SH3BGRL2: variants seen among roughly 807,000 people sequenced by gnomAD.
The protein encoded by SH3BGRL2 is SH3 domain binding glutamate rich protein like 2.
SH3BGRL2 carries 21 observed loss-of-function variants against 14.8 expected under a neutral mutation model. The ratio of observed to expected loss-of-function variants is 1.42; its 90% confidence interval spans 1.01 to 2.05. The LOEUF is 2.05. Ranked by LOEUF, SH3BGRL2 falls within the 30% of genes most tolerant of loss-of-function variation. The pLI, the probability that SH3BGRL2 is intolerant of heterozygous loss-of-function variation, is 0.00. For missense variants in SH3BGRL2, 147 were observed against 130.8 expected (o/e 1.12, Z -0.61); for synonymous variants, 50 against 47.8 (o/e 1.05, Z -0.19).
the SH3BGRL2 span, among the ~76,000 whole-genome samples, chr6:79,594,754 G>A: frequency 1.3e-5 from 2 of 152,086 alleles, no homozygotes; most frequent in Non-Finnish European, 2.9e-5. Flanking sequence ...TACATTAATC[G>A]TGTCCAAAAC....
the SH3BGRL2 span, among the ~76,000 whole-genome samples, chr6:79,591,542 G>A: frequency 6.6e-6 from 1 of 152,062 alleles, no homozygotes; most frequent in Admixed American, 6.6e-5. Context: ...CTAGTAGCTG[G>A]GACTGCAGGT....
chr6:79,682,481 A>G (rs1238204062), intron 2 of SH3BGRL2, among the ~76,000 whole-genome samples: 2 of 152,212 alleles, frequency 1.3e-5, no homozygotes, highest in Non-Finnish European at 2.9e-5. Flanking sequence ...CTGCAACTGC[A>G]TACACTTAAT....
chr6:79,692,861 A>G (rs1002603831), intron 2 of SH3BGRL2, among the ~76,000 whole-genome samples: 1 of 152,150 alleles, frequency 6.6e-6, no homozygotes, highest in Non-Finnish European at 1.5e-5. Context: ...GTTCCATATG[A>G]ACTTTAAAGT....
At chr6:79,586,903 A>G in the SH3BGRL2 span, among the ~76,000 whole-genome samples, 1 of 152,258 alleles carries the variant, frequency 6.6e-6, no homozygotes, top group African/African-American at 2.4e-5. Flanking sequence ...AATAGTGTCT[A>G]TAACTGCAAG....
At chr6:79,566,811 C>T in the SH3BGRL2 span, among the ~76,000 whole-genome samples, 1,011 of 150,786 alleles carry the variant, frequency 6.7e-3, 11 homozygotes, top group African/African-American at 0.023. Flanking sequence ...GTGGAAGGAT[C>T]GCTTGAGCCC....
At chr6:79,607,821 T>A in the SH3BGRL2 span, among the ~76,000 whole-genome samples, 1 of 152,124 alleles carries the variant, frequency 6.6e-6, no homozygotes, top group Non-Finnish European at 1.5e-5. Context: ...GGCAGGCATC[T>A]GTAATCCCAG....
intron 2 of SH3BGRL2, among the ~76,000 whole-genome samples, chr6:79,678,183 C>T (rs147246658): frequency 3.9e-5 from 6 of 152,260 alleles, no homozygotes; most frequent in African/African-American, 1.4e-4. Flanking sequence ...ATCTTAAGCA[C>T]TTTTAAGTGT....
At chr6:79,596,786 C>T in the SH3BGRL2 span, among the ~76,000 whole-genome samples, 1 of 152,096 alleles carries the variant, frequency 6.6e-6, no homozygotes, top group Non-Finnish European at 1.5e-5. Context: ...ACCTAAAATT[C>T]ATATGGAAAT....
chr6:79,606,474 G>C, the SH3BGRL2 span, among the ~76,000 whole-genome samples: 1 of 152,174 alleles, frequency 6.6e-6, no homozygotes, highest in Non-Finnish European at 1.5e-5. Flanking sequence ...CTGCTGGGTA[G>C]TACAACTGGG....
At chr6:79,642,184 C>T (rs1769046376) in intron 1 of SH3BGRL2, among the ~76,000 whole-genome samples, 1 of 152,178 alleles carries the variant, frequency 6.6e-6, no homozygotes, top group Non-Finnish European at 1.5e-5. Flanking sequence ...TGGACAGTTG[C>T]ATCTGTACTG....
the SH3BGRL2 span, among the ~76,000 whole-genome samples, chr6:79,558,497 C>T: frequency 7.9e-5 from 12 of 152,218 alleles, no homozygotes; most frequent in African/African-American, 2.4e-4. Flanking sequence ...ATTTAAACAA[C>T]AGAATACACT....
the SH3BGRL2 span, among the ~76,000 whole-genome samples, chr6:79,543,218 CA>C: frequency 6.6e-3 from 1,000 of 152,288 alleles, 12 homozygotes; most frequent in African/African-American, 0.023. Context: ...CAAATTATTT[CA>C]ACTTGCAATC....
Position 79,686,992 on chromosome 6 carries a change from T to C in SH3BGRL2, c.232-9493T>C, listed in dbSNP as rs553277028. Among the ~76,000 whole-genome samples, 158 of 152,316 alleles carry C rather than the reference T, an allele frequency of 1.0e-3. 1 individual carries two copies. The highest frequency in any genetic ancestry group is 2.2e-3 in the Admixed American group (33 of 15,296). On this transcript the variant is annotated intron_variant, in intron 2 of 3. Coordinates refer to ENST00000369838, the MANE Select transcript of SH3BGRL2 (RefSeq NM_031469.4). ...ATGTGGGGTCAGGGTGACCACAGAC[T>C]GTGCTGGCCTCTCAGGCCCCTGAAG... is the stretch of plus-strand genomic sequence containing the variant.
At chr6:79,591,553 G>T in the SH3BGRL2 span, among the ~76,000 whole-genome samples, 679 of 152,222 alleles carry the variant, frequency 4.5e-3, 9 homozygotes, top group African/African-American at 0.015. Context: ...GACTGCAGGT[G>T]TGCGCCACTA....
the SH3BGRL2 span, among the ~76,000 whole-genome samples, chr6:79,591,521 C>A: frequency 6.6e-6 from 1 of 152,180 alleles, no homozygotes; most frequent in African/African-American, 2.4e-5. Context: ...GATTCCCCTA[C>A]CTCAGCCATC....
At chr6:79,657,155 T>C (rs954149306) in intron 1 of SH3BGRL2, among the ~76,000 whole-genome samples, 6 of 152,048 alleles carry the variant, frequency 3.9e-5, no homozygotes, top group African/African-American at 1.4e-4. Flanking sequence ...CAGGAGACTA[T>C]GGAACTTTTT....
At chr6:79,697,499 C>T (rs375050438) in intron 3 of SH3BGRL2, among the ~76,000 whole-genome samples, 208 of 152,118 alleles carry the variant, frequency 1.4e-3, no homozygotes, top group African/African-American at 4.7e-3. Flanking sequence ...GGATTTGTAC[C>T]ATCTCTGGCA....
rs560918792 is a variant in SH3BGRL2 at position 79,685,005 on chromosome 6, G to A, written c.231+11206G>A. ...TTGATTGCTGATCAGCTGCATGCCCGGAAGCACAGCAATGTAATTAGATAT... is the reference window on the plus strand; with the variant it reads ...TTGATTGCTGATCAGCTGCATGCCCAGAAGCACAGCAATGTAATTAGATAT... On this transcript the variant is annotated intron_variant, in intron 2 of 3. Transcript: ENST00000369838. Among the ~76,000 whole-genome samples the A allele has an allele frequency of 9.9e-5, 15 of 152,264 alleles. No homozygotes were observed. In the East Asian group the frequency reaches 1.9e-3, roughly 20 times the overall value.
intron 1 of SH3BGRL2, among the ~76,000 whole-genome samples, chr6:79,652,214 G>A (rs1769310618): frequency 6.6e-6 from 1 of 152,146 alleles, no homozygotes; most frequent in Non-Finnish European, 1.5e-5. Flanking sequence ...TGAAGACTCA[G>A]AAGTGTGTCT....
Sources: allele counts gnomAD v4.1 joint callset (sites outside exome capture counted in the v4.1 genomes callset), GRCh38; gene constraint gnomAD v4.1.1; transcripts MANE v1.5; gene names NCBI Gene and HGNC (gene_info 2026-07-23, HGNC 2026-07-21).